MICU2: variants seen among roughly 807,000 people sequenced by gnomAD.
MICU2 encodes mitochondrial calcium uptake 2.
Under a neutral mutation model 60.4 loss-of-function variants are expected in MICU2, and 64 were observed. That is an observed-to-expected ratio of 1.06 (90% CI 0.87 to 1.31). The LOEUF (loss-of-function observed/expected upper bound fraction) is 1.31. Among genes scored for constraint, MICU2 ranks in the 50% most tolerant of loss-of-function variants. The pLI is 0.00. For missense variants in MICU2, 569 were observed against 531.0 expected (o/e 1.07, Z -0.70); for synonymous variants, 201 against 175.0 (o/e 1.15, Z -1.17).
At chr13:21,545,229 T>C (rs776785835) in intron 2 of MICU2, among the ~76,000 whole-genome samples, 3 of 152,154 alleles carry the variant, frequency 2.0e-5, no homozygotes, top group Non-Finnish European at 2.9e-5. Flanking sequence ...GAAAATGTGG[T>C]ATATGCATAC....
chr13:21,549,057 C>T (rs1887484733), intron 2 of MICU2, among the ~76,000 whole-genome samples: 1 of 150,996 alleles, frequency 6.6e-6, no homozygotes, highest in African/African-American at 2.4e-5. Context: ...TCCCAAGTAG[C>T]TGGGACTACA....
intron 1 of MICU2, among the ~76,000 whole-genome samples, chr13:21,567,655 C>A (rs146111810): frequency 6.6e-6 from 1 of 152,302 alleles, no homozygotes; most frequent in African/African-American, 2.4e-5. Flanking sequence ...GCACCTCAGG[C>A]AGTAGGACTT....
chr13:21,512,252 T>G (rs930560938), intron 7 of MICU2, among the ~76,000 whole-genome samples: 1 of 152,190 alleles, frequency 6.6e-6, no homozygotes, highest in Admixed American at 6.5e-5. Context: ...CTATTTTCTT[T>G]GGAGAAATAT....
rs1398986178 is a variant in MICU2 at position 21,517,047 on chromosome 13, G to T, written c.598-2629C>A. Among the ~76,000 whole-genome samples the T allele has an allele frequency of 2.6e-5, 4 of 152,264 alleles. No individual in the cohort carries two copies. In the East Asian group the frequency reaches 7.7e-4, roughly 29 times the overall value. ...ACCATTCCTGGCTTTGATCACAGTTGCTATTTTTTATTATTAGCTGACAGA... is the reference window on the plus strand; with the variant it reads ...ACCATTCCTGGCTTTGATCACAGTTTCTATTTTTTATTATTAGCTGACAGA... On this transcript the variant is annotated intron_variant, in intron 6 of 11. Transcript: ENST00000382374.
At chr13:21,557,830 T>C (rs911673322) in intron 2 of MICU2, among the ~76,000 whole-genome samples, 22 of 152,232 alleles carry the variant, frequency 1.4e-4, no homozygotes, top group African/African-American at 5.3e-4. Context: ...CTTCTGATAG[T>C]TTAATTGCAT....
chr13:21,586,769 T>G (rs747626245), intron 1 of MICU2, among the ~76,000 whole-genome samples: 1 of 152,186 alleles, frequency 6.6e-6, no homozygotes, highest in Non-Finnish European at 1.5e-5. Flanking sequence ...TTACTCTCAT[T>G]TTTCTCTCCA....
At chr13:21,554,726 G>A (rs1887659225) in intron 2 of MICU2, among the ~76,000 whole-genome samples, 1 of 152,114 alleles carries the variant, frequency 6.6e-6, no homozygotes, top group Non-Finnish European at 1.5e-5. Context: ...AAAAATCAAT[G>A]AATCCAGGAG....
intron 6 of MICU2, among the ~76,000 whole-genome samples, chr13:21,517,791 AC>A (rs1566144769): frequency 1.0e-5 from 1 of 97,948 alleles, no homozygotes; most frequent in African/African-American, 3.8e-5. Flanking sequence ...ACACACACAC[AC>A]ACACACACGC....
chr13:21,510,287 C>T (rs566292245), intron 7 of MICU2, among the ~76,000 whole-genome samples, 186 bp from the exon 8 acceptor site: 13 of 152,274 alleles, frequency 8.5e-5, no homozygotes, highest in African/African-American at 2.6e-4. Flanking sequence ...CCATAACCAT[C>T]GTTGTTCAAG....
intron 11 of MICU2, among the ~76,000 whole-genome samples, chr13:21,494,712 G>C (rs936366284): frequency 2.0e-4 from 30 of 151,770 alleles, no homozygotes; most frequent in African/African-American, 7.3e-4. Flanking sequence ...TTTTTTTGTA[G>C]AAACAGAGTC....
At chr13:21,542,318 A>C (rs932720549) in intron 2 of MICU2, among the ~76,000 whole-genome samples, 3 of 152,246 alleles carry the variant, frequency 2.0e-5, no homozygotes, top group Non-Finnish European at 2.9e-5. Context: ...ACAAGGCAAG[A>C]GCATATTAAA....
intron 6 of MICU2, among the ~76,000 whole-genome samples, chr13:21,516,973 C>A (rs1886585971): frequency 6.6e-6 from 1 of 152,154 alleles, no homozygotes; most frequent in African/African-American, 2.4e-5. Context: ...TGGCATGTAT[C>A]CCACATAAGC....
At chr13:21,525,181 AT>A (rs71093324) in intron 4 of MICU2, among the ~76,000 whole-genome samples, 1,486 of 83,180 alleles carry the variant, frequency 0.018, 8 homozygotes, top group African/African-American at 0.046. Context: ...GTGTAATTCA[AT>A]TTTTTTTTTT....
intron 1 of MICU2, among the ~76,000 whole-genome samples, chr13:21,590,493 T>C (rs1888555089): frequency 6.6e-6 from 1 of 152,226 alleles, no homozygotes; most frequent in East Asian, 1.9e-4. Flanking sequence ...TTGTGGTCAC[T>C]TTCAAAATTT....
intron 11 of MICU2, 52 bp from the exon 12 acceptor site, chr13:21,493,405 G>T: frequency 1.6e-6 from 2 of 1,259,326 alleles, no homozygotes; most frequent in South Asian, 1.3e-5. Flanking sequence ...GGTTAAACAT[G>T]ATTTCATATA....
At chr13:21,507,446 C>T (rs1189808432) in intron 8 of MICU2, among the ~76,000 whole-genome samples, 2 of 151,666 alleles carry the variant, frequency 1.3e-5, no homozygotes, top group Non-Finnish European at 2.9e-5. Flanking sequence ...ATTTTTGGAA[C>T]GTTAAAAAAC....
intron 4 of MICU2, among the ~76,000 whole-genome samples, chr13:21,529,338 G>A (rs1185120574): frequency 6.6e-6 from 1 of 152,208 alleles, no homozygotes; most frequent in African/African-American, 2.4e-5. Flanking sequence ...GACGATGAGT[G>A]CAGTTTGGCA....
intron 1 of MICU2, among the ~76,000 whole-genome samples, chr13:21,591,494 C>G (rs1286223181): frequency 6.6e-6 from 1 of 152,160 alleles, no homozygotes; most frequent in South Asian, 2.1e-4. Flanking sequence ...CATGGATATT[C>G]AAGACTTGAA....
At chr13:21,504,830 G>GTATT in intron 8 of MICU2, among the ~76,000 whole-genome samples, 1 of 152,192 alleles carries the variant, frequency 6.6e-6, no homozygotes, top group African/African-American at 2.4e-5. Context: ...GCATGGTAGA[G>GTATT]TATTTATTTA....
Sources: gnomAD v4.1 joint callset for allele counts (sites outside exome capture counted in the v4.1 genomes callset) on GRCh38, gnomAD v4.1.1 for gene constraint, MANE v1.5 for transcripts, NCBI Gene and HGNC (gene_info 2026-07-23, HGNC 2026-07-21) for gene names.